The following BRSK2 variants were observed in gnomAD, a reference collection of about 807,000 sequenced individuals.
The protein encoded by BRSK2 is serine/threonine-protein kinase BRSK2.
A neutral mutation model predicts 83.3 loss-of-function variants in BRSK2; 19 were observed. The ratio of observed to expected loss-of-function variants is 0.23; its 90% CI spans 0.16 to 0.33. The LOEUF is 0.33. BRSK2 is among the 10% of genes least tolerant of loss of function. BRSK2 has a pLI of 1.00. For synonymous variants in BRSK2, 519 were observed against 435.4 expected, an observed-to-expected ratio of 1.19 and a Z score of -2.39; for missense variants, 798 against 1,042.3, an observed-to-expected ratio of 0.77 and a Z score of 3.23.
intron 1 of BRSK2, among the ~76,000 whole-genome samples, chr11:1,399,787 C>T (rs181585531): frequency 6.7e-4 from 102 of 152,276 alleles, no homozygotes; most frequent in Middle Eastern, 3.4e-3. Flanking sequence ...TCCCCGGTGC[C>T]GTCGGGCCCA....
intron 1 of BRSK2, among the ~76,000 whole-genome samples, chr11:1,396,930 CCT>C (rs1846165196): frequency 6.6e-6 from 1 of 152,200 alleles, no homozygotes; most frequent in Non-Finnish European, 1.5e-5. Flanking sequence ...CCTCAGGGCC[CCT>C]GAGTGTAGAA....
At position 1,454,456 on chromosome 11, in the gene BRSK2, C is replaced by T; in HGVS notation, c.1545-29C>T. On this transcript the variant is annotated intron_variant, in intron 15 of 19. Coordinates refer to ENST00000528841, the MANE Select transcript of BRSK2 (RefSeq NM_001256627.2). The surrounding 1 kb of genome is among the most constrained non-coding windows in gnomAD (Gnocchi z 5.2). ...GGTGTGGACGGTGCCACACCTCAAT[C>T]CTCACAGCCTCTGTCTCCCACTGCC... 1 of 1,611,978 alleles carries T rather than the reference C, an allele frequency of 6.2e-7. No individual in the cohort carries two copies.
Position 1,454,707 on chromosome 11 carries a change from C to G in BRSK2, c.1668+99C>G. Reference sequence around the variant, plus strand: ...TCCTCACGTAGACAGGACATGTCCACGCGCACAGCACGGACGTCCGCTCAC... The same window carrying G: ...TCCTCACGTAGACAGGACATGTCCAGGCGCACAGCACGGACGTCCGCTCAC... On this transcript the variant is annotated intron_variant, in intron 16 of 19. Transcript: ENST00000528841. This position sits in a 1 kb window ranked among gnomAD's most constrained non-coding sequence, Gnocchi z 5.2. The G allele has an allele frequency of 6.8e-7, 1 of 1,460,126 alleles. No homozygotes were observed. The highest frequency in any genetic ancestry group is 9.3e-7 in the Non-Finnish European group (1 of 1,069,790). 90.4% of individuals were successfully genotyped at this position (1,460,126 alleles called of 1,614,324 possible). A position where few individuals can be genotyped will look rare whatever the true frequency, so the allele number is the denominator to read the frequency against.
Position 1,395,217 on chromosome 11 carries a change from C to T in BRSK2, c.91+4842C>T, listed in dbSNP as rs190324768. The stretch of plus-strand genomic sequence containing the variant: ...CCTGGGGCTGGACTGAACCCCTCAT[C>T]TGCCCTGCACGGGGTTTCTACAAGC... On this transcript the variant is annotated intron_variant, in intron 1 of 19. Transcript: ENST00000528841. Among the ~76,000 whole-genome samples the T allele has an allele frequency of 4.7e-3, 717 of 152,292 alleles. 3 individuals are homozygous for T. Among genetic ancestry groups the T allele is most frequent in the Non-Finnish European group, 7.6e-3 (518 of 68,016 alleles).
At chr11:1,459,930 G>A (rs929374923) in intron 19 of BRSK2, among the ~76,000 whole-genome samples, 1 of 152,146 alleles carries the variant, frequency 6.6e-6, no homozygotes, top group Non-Finnish European at 1.5e-5. Flanking sequence ...GGGAGGTGTG[G>A]TGGGCACACC....
intron 18 of BRSK2, among the ~76,000 whole-genome samples, chr11:1,457,419 T>C (rs761594729): frequency 6.6e-5 from 10 of 150,754 alleles, no homozygotes; most frequent in Admixed American, 4.6e-4. Context: ...CAGGGGAGGG[T>C]TGCCCCAGCC....
At chr11:1,392,165 A>G (rs1042601998) in intron 1 of BRSK2, among the ~76,000 whole-genome samples, 6 of 152,196 alleles carry the variant, frequency 3.9e-5, no homozygotes, top group Non-Finnish European at 8.8e-5. Flanking sequence ...TTGGGTGGAC[A>G]TGGGGCCTGG....
At chr11:1,443,301 C>G in intron 6 of BRSK2, 34 bp from the exon 7 acceptor site, 1 of 1,582,888 alleles carries the variant, frequency 6.3e-7, no homozygotes, top group Non-Finnish European at 8.6e-7. Context: ...CCCTGCCCTG[C>G]GCCCCCCAAC....
At chr11:1,449,200 G>A (rs1845495115) in intron 12 of BRSK2, among the ~76,000 whole-genome samples, 1 of 152,212 alleles carries the variant, frequency 6.6e-6, no homozygotes, top group Admixed American at 6.5e-5. Flanking sequence ...CTCAGGCTGA[G>A]TAGGGCAGTG....
rs1239951674 is a variant in BRSK2, at chr11:1,423,366, G to A, written c.92-12674G>A. On this transcript the variant is annotated intron_variant, in intron 1 of 19. Transcript: ENST00000528841. This position sits in a 1 kb window ranked among gnomAD's most constrained non-coding sequence, Gnocchi z 6.5. ...AGTGCAGAGCCTTCAGTTAGGAGCC[G>A]AGGCCTCTGGCCAGGTTCAGGCACG... Among the ~76,000 whole-genome samples the A allele has an allele frequency of 2.0e-5, 3 of 152,162 alleles. No homozygotes were observed. The highest frequency in any genetic ancestry group is 1.9e-4 in the East Asian group (1 of 5,178).
chr11:1,450,593 C>T lies in BRSK2; in HGVS notation c.1294C>T (p.Pro432Ser), dbSNP rs762306078. The T allele has an allele frequency of 1.1e-5, 18 of 1,568,896 alleles. No individual in the cohort carries two copies. The highest frequency in any genetic ancestry group is 1.4e-5 in the African/African-American group (1 of 73,066). The change falls in exon 14 of 20, where the codon CCT becomes TCT. Residue 432 changes from proline to serine, a missense_variant. Physicochemically the swap from Pro to Ser is moderately conservative, Grantham distance 74. Coordinates refer to ENST00000528841, the MANE Select transcript of BRSK2 (RefSeq NM_001256627.2). ...TSPLSSPRVT[P>S]HPSPRGSPLP... Reference sequence around the variant, plus strand: ...ATCTGTCCCCACCATACAGGTGACCCCTCACCCCTCACCAAGGGGCAGTCC... The same window carrying T: ...ATCTGTCCCCACCATACAGGTGACCTCTCACCCCTCACCAAGGGGCAGTCC...
intron 1 of BRSK2, among the ~76,000 whole-genome samples, chr11:1,416,984 C>A (rs1227685417): frequency 6.6e-6 from 1 of 152,104 alleles, no homozygotes; most frequent in Admixed American, 6.5e-5. Flanking sequence ...CATGGTGAAA[C>A]CCCATCTCTA....
intron 1 of BRSK2, among the ~76,000 whole-genome samples, chr11:1,395,965 A>G (rs1268520444): frequency 6.6e-6 from 1 of 152,182 alleles, no homozygotes; most frequent in Non-Finnish European, 1.5e-5. Context: ...CTAGGCTTCA[A>G]GGGGATCTGT....
chr11:1,429,246 G>C (rs559814766), intron 1 of BRSK2, among the ~76,000 whole-genome samples: 224 of 108,462 alleles, frequency 2.1e-3, no homozygotes, highest in African/African-American at 0.011. Context: ...GTGTGTCCTG[G>C]ATGCATGTGC....
chr11:1,414,436 A>G (rs930159636), intron 1 of BRSK2, among the ~76,000 whole-genome samples: 70 of 152,288 alleles, frequency 4.6e-4, no homozygotes, highest in African/African-American at 1.6e-3. Flanking sequence ...TTATGTGTGG[A>G]ATGCGGTGTT....
Position 1,411,305 on chromosome 11 carries a change from C to T in BRSK2, c.91+20930C>T, listed in dbSNP as rs867907768. 1.9e-4 allele frequency: 256 copies of T among 1,337,522 alleles called. 1 individual carries two copies. In the East Asian group the frequency reaches 6.5e-3, roughly 34 times the overall value. 82.9% of individuals were successfully genotyped at this position (1,337,522 alleles called of 1,614,324 possible). The stretch of plus-strand genomic sequence containing the variant: ...AGCCAGTGCCCCGCCATGGCCTGCC[C>T]GGGTGGGGTCCTGAAGCTGGGGCCG... On this transcript the variant is annotated intron_variant, in intron 1 of 19. Coordinates refer to ENST00000528841, the MANE Select transcript of BRSK2 (RefSeq NM_001256627.2).
rs563369792 is a variant in BRSK2 at position 1,408,834 on chromosome 11, T to G, written c.91+18459T>G. ...GCTGGTGTGTGTGTGTGTGTGTGTGTGGCTGTGCTGGGGTGTGTGTGCATA... is the reference window on the plus strand; with the variant it reads ...GCTGGTGTGTGTGTGTGTGTGTGTGGGGCTGTGCTGGGGTGTGTGTGCATA... On this transcript the variant is annotated intron_variant, in intron 1 of 19. Transcript: ENST00000528841. Among the ~76,000 whole-genome samples the G allele has an allele frequency of 8.2e-3, 1,246 of 151,264 alleles. 21 individuals carry two copies. The highest frequency in any genetic ancestry group is 0.028 in the African/African-American group (1,162 of 40,996).
chr11:1,411,526 C>T (rs1419765280), intron 1 of BRSK2: 5 of 1,535,980 alleles, frequency 3.3e-6, no homozygotes, highest in Non-Finnish European at 3.5e-6. Context: ...GGAGGGGCCG[C>T]ACATCACAGA....
intron 14 of BRSK2, among the ~76,000 whole-genome samples, 153 bp downstream of exon 14, chr11:1,450,947 CCAG>C (rs1845746302): frequency 6.6e-6 from 1 of 152,338 alleles, no homozygotes; most frequent in East Asian, 1.9e-4. Context: ...CCGAAAGCGC[CCAG>C]CAGCAGCCTG....
Sources: allele counts gnomAD v4.1 joint callset (sites outside exome capture counted in the v4.1 genomes callset), GRCh38; gene constraint gnomAD v4.1.1; non-coding constraint Gnocchi (gnomAD v3.1); transcripts MANE v1.5; gene names NCBI Gene and HGNC (gene_info 2026-07-23, HGNC 2026-07-21).